The following TRARG1 variants were observed in gnomAD, a reference collection of about 807,000 sequenced individuals.
TRARG1 encodes trafficking regulator of GLUT4 1.
TRARG1 carries 16 observed loss-of-function variants against 13.3 expected under a neutral mutation model. The ratio of observed to expected loss-of-function variants is 1.20; its 90% CI spans 0.81 to 1.83. The LOEUF (loss-of-function observed/expected upper bound fraction) is 1.83, where lower values mean the gene tolerates loss of function less well. TRARG1 is among the 40% of genes most tolerant of loss of function. TRARG1 has a pLI of 0.00. For synonymous variants in TRARG1, 113 were observed against 106.2 expected (o/e 1.06, Z -0.39); for missense variants, 250 against 237.4 (o/e 1.05, Z -0.35).
chr17:1,300,682 A>G lies in TRARG1; in HGVS notation c.*2418A>G. 1 of 152,758 alleles carries G rather than the reference A, an allele frequency of 6.5e-6. No individual in the cohort carries two copies. Among genetic ancestry groups the G allele is most frequent in the Non-Finnish European group, 1.5e-5 (1 of 68,336 alleles). The allele number at this position is 152,758 out of a possible 1,614,324, so 9.5% of individuals were successfully genotyped here. On this transcript the variant is annotated 3_prime_UTR_variant, in exon 3 of 3. Transcript: ENST00000333813. ...GGCCCGCAGAGCACAGAGCAGGAGA[A>G]GGGCTTGGGCCCTGGAGGAGAAAGC...
rs556443740 is a variant in TRARG1, at chr17:1,298,370, C to A, written c.*106C>A. On this transcript the variant is annotated 3_prime_UTR_variant, in exon 3 of 3. Coordinates refer to ENST00000333813, the MANE Select transcript of TRARG1 (RefSeq NM_172367.3). ...GTGCTGACTGTCAAGCATCCCCTGT[C>A]CCCAAGTTCCAAAAGCACAGACTCA... 257 of 1,279,832 alleles carry A rather than the reference C, an allele frequency of 2.0e-4. 1 individual carries two copies. In the African/African-American group the frequency reaches 3.3e-3, roughly 17 times the overall value. The allele number at this position is 1,279,832 out of a possible 1,614,324, so 79.3% of individuals were successfully genotyped here.
chr17:1,292,884 G>A (rs568663403), intron 1 of TRARG1, among the ~76,000 whole-genome samples: 7 of 152,314 alleles, frequency 4.6e-5, no homozygotes, highest in East Asian at 1.9e-4. Context: ...GCTCCTCCGC[G>A]CTGCTGCGTC....
chr17:1,284,709 CTT>C (rs2072007999), intron 1 of TRARG1, among the ~76,000 whole-genome samples: 2 of 150,598 alleles, frequency 1.3e-5, no homozygotes, highest in African/African-American at 5.0e-5. Context: ...GAGATGGAGT[CTT>C]GCTCTGTCGC....
At chr17:1,285,826 G>A (rs770939518) in intron 1 of TRARG1, among the ~76,000 whole-genome samples, 3 of 152,096 alleles carry the variant, frequency 2.0e-5, no homozygotes, top group Non-Finnish European at 4.4e-5. Context: ...GAGGGCCGAG[G>A]GGAGTGGACA....
At chr17:1,295,184 C>T (rs1035729393) in intron 1 of TRARG1, among the ~76,000 whole-genome samples, 12 of 152,328 alleles carry the variant, frequency 7.9e-5, no homozygotes, top group Non-Finnish European at 1.5e-4. Flanking sequence ...CTTCTCAGGC[C>T]CTCGGTCTCT....
At chr17:1,296,721 G>A (rs1408607782) in intron 2 of TRARG1, among the ~76,000 whole-genome samples, 1 of 151,938 alleles carries the variant, frequency 6.6e-6, no homozygotes, top group Middle Eastern at 3.2e-3. Flanking sequence ...ATATCAGTCA[G>A]GCTGGTCTCA....
At chr17:1,284,915 C>T (rs9902112) in intron 1 of TRARG1, among the ~76,000 whole-genome samples, 19,833 of 151,852 alleles carry the variant, frequency 0.13, 1,598 homozygotes, top group East Asian at 0.19. Flanking sequence ...CTCCTGACCT[C>T]GTGATCCACC....
chr17:1,297,140 CTG>C (rs1322913321), intron 2 of TRARG1, among the ~76,000 whole-genome samples: 1 of 152,168 alleles, frequency 6.6e-6, no homozygotes, highest in Non-Finnish European at 1.5e-5. Flanking sequence ...GCTGCTCAAA[CTG>C]TGCTCCCTGG....
At chr17:1,281,004 C>G (rs968215132) in intron 1 of TRARG1, among the ~76,000 whole-genome samples, 23 of 152,210 alleles carry the variant, frequency 1.5e-4, no homozygotes, top group Non-Finnish European at 2.9e-5. Flanking sequence ...TCCACAGCTA[C>G]GCTGACTTCA....
intron 1 of TRARG1, among the ~76,000 whole-genome samples, chr17:1,280,910 C>T (rs553871591): frequency 6.6e-6 from 1 of 152,216 alleles, no homozygotes; most frequent in Admixed American, 6.5e-5. Context: ...CGGGGCCAGG[C>T]TCCCCCGAGG....
intron 1 of TRARG1, among the ~76,000 whole-genome samples, chr17:1,286,815 G>A (rs1220184777): frequency 4.9e-5 from 5 of 101,348 alleles, no homozygotes; most frequent in African/African-American, 1.0e-4. Flanking sequence ...GGGTGTTGTC[G>A]GCCTGTGGGG....
At chr17:1,282,136 G>C (rs1168012942) in intron 1 of TRARG1, among the ~76,000 whole-genome samples, 1 of 16,972 alleles carries the variant, frequency 5.9e-5, no homozygotes, top group Non-Finnish European at 1.2e-4. Context: ...ACATATACAC[G>C]CATATATGTA....
At chr17:1,280,903 G>A (rs1258365315) in intron 1 of TRARG1, among the ~76,000 whole-genome samples, 1 of 152,202 alleles carries the variant, frequency 6.6e-6, no homozygotes, top group Non-Finnish European at 1.5e-5. Context: ...AGGGCTCCGG[G>A]GCCAGGCTCC....
intron 1 of TRARG1, among the ~76,000 whole-genome samples, chr17:1,284,533 G>A (rs1454452118): frequency 6.6e-6 from 1 of 152,178 alleles, no homozygotes; most frequent in East Asian, 1.9e-4. Context: ...CCAGGGACAG[G>A]GCCAGAGGTG....
At chr17:1,283,339 C>A (rs938810896) in intron 1 of TRARG1, among the ~76,000 whole-genome samples, 1 of 152,086 alleles carries the variant, frequency 6.6e-6, no homozygotes, top group Non-Finnish European at 1.5e-5. Flanking sequence ...ATAATGGGTA[C>A]GTAAGTGGCA....
chr17:1,281,402 CAG>C (rs977587961), intron 1 of TRARG1, among the ~76,000 whole-genome samples: 51 of 151,894 alleles, frequency 3.4e-4, no homozygotes, highest in African/African-American at 1.2e-3. Context: ...TGACTCCCTG[CAG>C]AGTCACCATC....
At chr17:1,281,429 A>G (rs1402929055) in intron 1 of TRARG1, among the ~76,000 whole-genome samples, 1 of 152,038 alleles carries the variant, frequency 6.6e-6, no homozygotes, top group Non-Finnish European at 1.5e-5. Flanking sequence ...AACCCCCAGG[A>G]GCTGTCCTCT....
intron 1 of TRARG1, among the ~76,000 whole-genome samples, chr17:1,294,936 A>G (rs1019210408): frequency 2.0e-5 from 3 of 152,118 alleles, no homozygotes; most frequent in Non-Finnish European, 2.9e-5. Flanking sequence ...TGCCCGCCTC[A>G]GCCTCTCCAA....
rs1491246422 is a variant in TRARG1 at position 1,282,213 on chromosome 17, CGT to C, written c.387+1826_387+1827del. On this transcript the variant is annotated intron_variant, in intron 1 of 2. Transcript: ENST00000333813. ...GTACGTGTACACGTGCGTATATGTA[CGT>C]ATACACGTGCGTATATGTACGTATA... 1.8e-3 allele frequency among the ~76,000 whole-genome samples: 174 copies of C among 94,260 alleles called. 4 individuals carry two copies. The highest frequency in any genetic ancestry group is 1.9e-3 in the Non-Finnish European group (88 of 47,178). 61.8% of individuals were successfully genotyped at this position (94,260 alleles called of 152,430 possible). A position where few individuals can be genotyped will look rare whatever the true frequency, so the allele number is the denominator to read the frequency against.
Sources: allele counts gnomAD v4.1 joint callset (sites outside exome capture counted in the v4.1 genomes callset), GRCh38; gene constraint gnomAD v4.1.1; transcripts MANE v1.5; gene names NCBI Gene and HGNC (gene_info 2026-07-23, HGNC 2026-07-21).